Variants in TANGO6 observed in about 807,000 individuals in gnomAD.
The protein encoded by TANGO6 is transport and Golgi organization protein 6 homolog.
Under a neutral mutation model 114.2 loss-of-function variants are expected in TANGO6, and 90 were observed. The ratio of observed to expected loss-of-function variants is 0.79; its 90% CI spans 0.66 to 0.94. TANGO6 has a LOEUF of 0.94. Ranked by LOEUF, TANGO6 falls within the 40% of genes least tolerant of loss-of-function variation. The pLI, the probability that TANGO6 is intolerant of heterozygous loss-of-function variation, is 0.00. For synonymous variants in TANGO6, 477 were observed against 509.8 expected, an observed-to-expected ratio of 0.94 and a Z score of 0.87; for missense variants, 1,274 against 1,315.3, an observed-to-expected ratio of 0.97 and a Z score of 0.49.
At chr16:68,960,427 G>T (rs1963577679) in intron 14 of TANGO6, among the ~76,000 whole-genome samples, 3 of 151,658 alleles carry the variant, frequency 2.0e-5, no homozygotes, top group Admixed American at 2.0e-4. Flanking sequence ...TTTGATAGAG[G>T]CAGCCCAGCA....
intron 1 of TANGO6, among the ~76,000 whole-genome samples, chr16:68,858,482 G>A (rs565034300): frequency 7.2e-4 from 109 of 152,242 alleles, no homozygotes; most frequent in Middle Eastern, 6.8e-3. Context: ...TTCATTTCAC[G>A]TATATTGTTT....
In TANGO6 at chr16:69,012,294, C is replaced by T. The variant is rs551201294; in HGVS notation, c.2843-10534C>T. ...TGAGGAGGTTGGGCACGGTGGCTCA[C>T]GCCTGTAATCCCAGCATTTTGGGAG... On this transcript the variant is annotated intron_variant, in intron 15 of 17. Coordinates refer to ENST00000261778, the MANE Select transcript of TANGO6 (RefSeq NM_024562.2). 6.6e-5 allele frequency among the ~76,000 whole-genome samples: 10 copies of T among 152,184 alleles called. No individual in the cohort carries two copies. In the South Asian group the frequency reaches 1.0e-3, roughly 16 times the overall value.
intron 14 of TANGO6, among the ~76,000 whole-genome samples, chr16:68,966,946 A>G (rs1055034631): frequency 2.0e-5 from 3 of 151,820 alleles, no homozygotes; most frequent in Non-Finnish European, 4.4e-5. Flanking sequence ...TAATTTTTGT[A>G]TTTTTAGTAG....
chr16:68,917,165 TG>T (rs1368551450), intron 11 of TANGO6, among the ~76,000 whole-genome samples: 3 of 152,212 alleles, frequency 2.0e-5, no homozygotes, highest in Admixed American at 6.6e-5. Flanking sequence ...ATACAGCATG[TG>T]GCCTTTTCAG....
At chr16:68,963,341 C>G (rs960903587) in intron 14 of TANGO6, among the ~76,000 whole-genome samples, 4 of 152,106 alleles carry the variant, frequency 2.6e-5, no homozygotes, top group African/African-American at 9.7e-5. Flanking sequence ...GTCTTGAACT[C>G]CTGACCCTAA....
intron 11 of TANGO6, among the ~76,000 whole-genome samples, chr16:68,915,611 ATAG>A (rs1962993114): frequency 6.6e-6 from 1 of 152,198 alleles, no homozygotes; most frequent in Non-Finnish European, 1.5e-5. Flanking sequence ...TTGGCCCAAG[ATAG>A]TAGAAACAGT....
intron 17 of TANGO6, among the ~76,000 whole-genome samples, chr16:69,082,606 G>A (rs1038474285): frequency 6.6e-6 from 1 of 152,120 alleles, no homozygotes; most frequent in South Asian, 2.1e-4. Flanking sequence ...TTAGCTGGGC[G>A]TGGTGGTGCG....
chr16:68,862,302 C>T (rs1481337997), intron 2 of TANGO6, among the ~76,000 whole-genome samples: 3 of 152,134 alleles, frequency 2.0e-5, no homozygotes, highest in African/African-American at 7.2e-5. Flanking sequence ...GTAACCTCCG[C>T]CTCCCGGGTT....
intron 15 of TANGO6, among the ~76,000 whole-genome samples, chr16:69,002,376 A>G (rs1964052168): frequency 6.6e-6 from 1 of 152,162 alleles, no homozygotes. Flanking sequence ...TTGAATTGTA[A>G]TCCCCATAAT....
chr16:68,880,747 A>C, intron 7 of TANGO6, 117 bp downstream of exon 7: 2 of 566,574 alleles, frequency 3.5e-6, no homozygotes, highest in South Asian at 3.5e-5. Context: ...CTGGTCTTGA[A>C]CTCCTGGCCT....
chr16:68,850,487 C>G (rs1690817364), intron 1 of TANGO6, among the ~76,000 whole-genome samples: 1 of 152,160 alleles, frequency 6.6e-6, no homozygotes, highest in African/African-American at 2.4e-5. Flanking sequence ...TCCAACATTA[C>G]CACTACAAAC....
In TANGO6 at chr16:68,951,769, C is replaced by T. The variant is rs550914272; in HGVS notation, c.2701+21474C>T. Among the ~76,000 whole-genome samples, 177 of 152,112 alleles carry T rather than the reference C, an allele frequency of 1.2e-3. 1 individual carries two copies. The highest frequency in any genetic ancestry group is 2.1e-3 in the Non-Finnish European group (145 of 67,956). ...CTGGGACTACAGGCACCCGCCACCA[C>T]GCCCAGCTAATTTTTTGTATTTTTA... On this transcript the variant is annotated intron_variant, in intron 14 of 17. Coordinates refer to ENST00000261778, the MANE Select transcript of TANGO6 (RefSeq NM_024562.2).
At chr16:69,011,544 A>G (rs1964143813) in intron 15 of TANGO6, among the ~76,000 whole-genome samples, 1 of 151,636 alleles carries the variant, frequency 6.6e-6, no homozygotes, top group South Asian at 2.1e-4. Flanking sequence ...GTCCTCGAAC[A>G]TCTGGGCTCA....
chr16:68,957,478 G>A (rs1963543768), intron 14 of TANGO6, among the ~76,000 whole-genome samples: 1 of 149,784 alleles, frequency 6.7e-6, no homozygotes, highest in Admixed American at 6.8e-5. Flanking sequence ...GCTCACCGCA[G>A]CCTCCACCTC....
intron 15 of TANGO6, among the ~76,000 whole-genome samples, chr16:68,999,466 G>C (rs1018354680): frequency 6.6e-6 from 1 of 152,116 alleles, no homozygotes; most frequent in Non-Finnish European, 1.5e-5. Context: ...TGCCATTCCA[G>C]TCAAAACCTT....
At chr16:68,887,614 T>C (rs752277405) in intron 7 of TANGO6, among the ~76,000 whole-genome samples, 12 of 152,308 alleles carry the variant, frequency 7.9e-5, no homozygotes, top group Admixed American at 2.6e-4. Flanking sequence ...CAGTGGCTCA[T>C]GCCTATAATC....
At chr16:68,884,424 T>G (rs944685323) in intron 7 of TANGO6, among the ~76,000 whole-genome samples, 3 of 152,212 alleles carry the variant, frequency 2.0e-5, no homozygotes, top group East Asian at 1.9e-4. Context: ...AGGGGTCTTC[T>G]ATCCTGTTCT....
intron 14 of TANGO6, among the ~76,000 whole-genome samples, chr16:68,969,553 G>A (rs996481428): frequency 6.6e-6 from 1 of 152,092 alleles, no homozygotes; most frequent in Non-Finnish European, 1.5e-5. Flanking sequence ...AGGCCAGCAG[G>A]AAGATAAACA....
intron 14 of TANGO6, among the ~76,000 whole-genome samples, chr16:68,956,802 G>A (rs1018806153): frequency 1.3e-5 from 2 of 152,052 alleles, no homozygotes; most frequent in African/African-American, 4.8e-5. Flanking sequence ...ACAGTGAGCC[G>A]AGATTGCGCC....
Sources: allele counts gnomAD v4.1 joint callset (sites outside exome capture counted in the v4.1 genomes callset), GRCh38; gene constraint gnomAD v4.1.1; transcripts MANE v1.5; gene names NCBI Gene and HGNC (gene_info 2026-07-23, HGNC 2026-07-21).